HEPH: variants seen among roughly 807,000 people sequenced by gnomAD.
HEPH encodes the protein hephaestin.
In HEPH, 69 loss-of-function variants were observed where a neutral mutation model predicts 80.8. The ratio of observed to expected loss-of-function variants is 0.85; its 90% CI spans 0.70 to 1.04. The LOEUF (loss-of-function observed/expected upper bound fraction) is 1.04. HEPH is among the 50% of genes least tolerant of loss of function. The pLI is 0.00. For synonymous variants in HEPH, 431 were observed against 322.8 expected (o/e 1.34, Z -3.60); for missense variants, 1,115 against 891.3 (o/e 1.25, Z -3.20).
At chrX:66,232,692 G>C (rs780685632) in intron 15 of HEPH, among the ~76,000 whole-genome samples, 1 of 110,459 alleles carries the variant, frequency 9.1e-6, no homozygotes, top group South Asian at 3.9e-4. Context: ...TTAATGATAA[G>C]CTCTCCTATG....
intron 20 of HEPH, 126 bp downstream of exon 20, chrX:66,263,814 C>G (rs1488361271): frequency 1.3e-5 from 8 of 612,041 alleles, no homozygotes; most frequent in South Asian, 3.6e-5. Flanking sequence ...AGAAAGTATC[C>G]TGAGACTTCT....
chrX:66,179,113 A>G (rs888649172), intron 4 of HEPH, among the ~76,000 whole-genome samples: 1 of 111,972 alleles, frequency 8.9e-6, no homozygotes, highest in Non-Finnish European at 1.9e-5. Context: ...ATCTTGAATT[A>G]ATTTTTGTAT....
At chrX:66,264,387 CCATATGTTCTTCAACAG>C (rs2148250455) in intron 20 of HEPH, among the ~76,000 whole-genome samples, 1 of 108,962 alleles carries the variant, frequency 9.2e-6, no homozygotes, top group Admixed American at 9.9e-5. Flanking sequence ...AGTTCCAACA[CCATATGTTCTTCAACAG>C]CTATTTTTAT....
At chrX:66,198,110 A>G (rs1247185361) in intron 10 of HEPH, among the ~76,000 whole-genome samples, 1 of 111,022 alleles carries the variant, frequency 9.0e-6, no homozygotes, top group Admixed American at 9.6e-5. Context: ...CCTTGCAGAT[A>G]ATTCATGATA....
At chrX:66,214,123 T>C (rs1035923272) in intron 15 of HEPH, among the ~76,000 whole-genome samples, 2 of 111,717 alleles carry the variant, frequency 1.8e-5, no homozygotes, top group East Asian at 5.6e-4. Context: ...CTATCTTAAT[T>C]TAATGAAATT....
chrX:66,228,164 G>T (rs2089970664), intron 15 of HEPH, among the ~76,000 whole-genome samples: 1 of 111,622 alleles, frequency 9.0e-6, no homozygotes, highest in African/African-American at 3.3e-5. Context: ...AAAGAGAAGA[G>T]AATGAAAATC....
chrX:66,179,192 T>A (rs1267974163), intron 4 of HEPH, among the ~76,000 whole-genome samples: 1 of 112,387 alleles, frequency 8.9e-6, no homozygotes, highest in African/African-American at 3.2e-5. Flanking sequence ...GCACCATTTA[T>A]TAAACAGGGA....
intron 15 of HEPH, among the ~76,000 whole-genome samples, chrX:66,238,486 A>G (rs980772856): frequency 6.3e-5 from 7 of 111,320 alleles, no homozygotes; most frequent in African/African-American, 2.0e-4. Flanking sequence ...TCAAGGTTGC[A>G]TGTAGCTATG....
At chrX:66,253,474 C>T (rs1602537330) in intron 15 of HEPH, among the ~76,000 whole-genome samples, 1 of 112,287 alleles carries the variant, frequency 8.9e-6, no homozygotes, top group Middle Eastern at 4.6e-3. Flanking sequence ...AACTAATTTT[C>T]ATGCAGATGT....
Position 66,262,259 on chromosome X carries a change from A to G in HEPH, c.3200-1385A>G, listed in dbSNP as rs186351653. ...CAGCAGGGAATGAGAATCAGAGCTA[A>G]CATGAAAGATTAGTGCAAGAGTGGA... On this transcript the variant is annotated intron_variant, in intron 19 of 20. Coordinates refer to ENST00000343002, the MANE Select transcript of HEPH (RefSeq NM_001367233.3). 3.9e-3 allele frequency among the ~76,000 whole-genome samples: 433 copies of G among 112,298 alleles called. 4 individuals are homozygous for G. The highest frequency in any genetic ancestry group is 0.014 in the African/African-American group (421 of 30,997).
Position 66,203,491 on chromosome X carries a change from C to A in HEPH, c.2205C>A (p.Tyr735Ter). 8.3e-7 allele frequency: 1 copy of A among 1,211,720 alleles called. No individual in the cohort carries two copies. The highest frequency in any genetic ancestry group is 1.1e-6 in the Non-Finnish European group (1 of 895,395). ...AACGCTACCAAGCTGCAAGAATCTA[C>A]TATATCATGGCAGAAGAAGTAGAGT... ...PRQRYQAARIYYIMAEEVEWD... is the reference protein window; with the variant it reads ...PRQRYQAARI Residue 735 changes from tyrosine to a stop codon, truncating the protein, a stop_gained, in exon 13 of 21, where the codon TAC becomes TAA. Coordinates refer to ENST00000343002, the MANE Select transcript of HEPH (RefSeq NM_001367233.3). LOFTEE classifies it high-confidence loss of function.
chrX:66,178,051 T>A (rs1247346854), intron 4 of HEPH, among the ~76,000 whole-genome samples: 1 of 111,660 alleles, frequency 9.0e-6, no homozygotes, highest in Non-Finnish European at 1.9e-5. Flanking sequence ...CCCATTAACT[T>A]GTCATTTACA....
At chrX:66,229,700 A>G (rs2090040891) in intron 15 of HEPH, among the ~76,000 whole-genome samples, 2 of 112,348 alleles carry the variant, frequency 1.8e-5, no homozygotes, top group Non-Finnish European at 3.8e-5. Context: ...TAGATGGCAT[A>G]GATTCTAATA....
chrX:66,231,191 A>C (rs1177075272), intron 15 of HEPH, among the ~76,000 whole-genome samples: 77 of 109,069 alleles, frequency 7.1e-4, no homozygotes, highest in African/African-American at 1.5e-3. Flanking sequence ...CTTGTAGTAT[A>C]GTTTGAAGTC....
At position 66,201,207 on chromosome X, in the gene HEPH, C is replaced by T. The variant is rs149498145; in HGVS notation, c.2077+455C>T. Among the ~76,000 whole-genome samples the T allele has an allele frequency of 5.5e-3, 612 of 110,449 alleles. 4 individuals are homozygous for T. The highest frequency in any genetic ancestry group is 0.019 in the African/African-American group (566 of 30,308). On this transcript the variant is annotated intron_variant, in intron 12 of 20. Transcript: ENST00000343002. ...TCTCTTTCTCTTTCTACCCATGATG[C>T]GCCCCACCCTCTGCCCCCTGCCACC...
At chrX:66,190,536 T>C (rs1056805930) in intron 6 of HEPH, among the ~76,000 whole-genome samples, 11 of 111,430 alleles carry the variant, frequency 9.9e-5, no homozygotes, top group Non-Finnish European at 2.1e-4. Context: ...TAGTCTTAAG[T>C]TTGTGAAAAA....
chrX:66,180,009 G>T (rs572546950), intron 4 of HEPH, among the ~76,000 whole-genome samples: 5 of 111,287 alleles, frequency 4.5e-5, no homozygotes, highest in South Asian at 7.6e-4. Flanking sequence ...GCAGGAGATG[G>T]TTGGTGACTT....
At chrX:66,181,618 G>A (rs1479370960) in intron 4 of HEPH, among the ~76,000 whole-genome samples, 3 of 16,458 alleles carry the variant, frequency 1.8e-4, no homozygotes. Context: ...CAGATGAGTA[G>A]GTTGCGAAAA....
chrX:66,199,617 T>C (rs1231199776), intron 11 of HEPH, among the ~76,000 whole-genome samples: 1 of 112,159 alleles, frequency 8.9e-6, no homozygotes, highest in Non-Finnish European at 1.9e-5. Flanking sequence ...AAAAAAATGA[T>C]ATGCTTCCTG....
Sources: allele counts gnomAD v4.1 joint callset (sites outside exome capture counted in the v4.1 genomes callset), GRCh38; gene constraint gnomAD v4.1.1; transcripts MANE v1.5; gene names NCBI Gene and HGNC (gene_info 2026-07-23, HGNC 2026-07-21).